PDXDC1: variants seen among roughly 807,000 people sequenced by gnomAD.
PDXDC1 encodes the protein pyridoxal-dependent decarboxylase domain-containing protein 1.
In PDXDC1, 42 loss-of-function variants were observed where a neutral mutation model predicts 100.1. That is an observed-to-expected ratio of 0.42 (90% CI 0.33 to 0.54). PDXDC1 has a LOEUF of 0.54. Among genes scored for constraint, PDXDC1 ranks in the 20% least tolerant of loss-of-function variants. The pLI, the probability that PDXDC1 is intolerant of heterozygous loss-of-function variation, is 0.10. For missense variants in PDXDC1, 636 were observed against 979.2 expected, an observed-to-expected ratio of 0.65 and a Z score of 4.68; for synonymous variants, 260 against 371.7, an observed-to-expected ratio of 0.70 and a Z score of 3.46.
Position 15,093,204 on chromosome 16 carries a change from A to T in PDXDC1, c.1400-45675A>T, listed in dbSNP as rs138342560. Reference sequence around the variant, plus strand: ...ATTTTCAGTAGAGACGAGGTTTCGCACGTTGGCCAGGCTGGTCTCCAACTC... The same window carrying T: ...ATTTTCAGTAGAGACGAGGTTTCGCTCGTTGGCCAGGCTGGTCTCCAACTC... On this transcript the variant is annotated intron_variant, in intron 16 of 16. Coordinates refer to the PDXDC1 transcript ENST00000535621. Among the ~76,000 whole-genome samples, 69 of 152,228 alleles carry T rather than the reference A, an allele frequency of 4.5e-4. No homozygotes were observed. In the East Asian group the frequency reaches 0.013, roughly 29 times the overall value.
At chr16:15,075,007 T>C (rs1011072376) in intron 16 of PDXDC1, 1 of 794,888 alleles carries the variant, frequency 1.3e-6, no homozygotes, top group East Asian at 2.8e-5. Flanking sequence ...CCCAGCACTT[T>C]GGGAAGCAGA....
At chr16:15,067,761 T>A (rs533158494) in intron 16 of PDXDC1, among the ~76,000 whole-genome samples, 88 of 152,128 alleles carry the variant, frequency 5.8e-4, no homozygotes, top group African/African-American at 2.1e-3. Context: ...GACTGGGTTG[T>A]TTTTGTTTGT....
At chr16:15,018,589 T>C (rs961989172) in intron 11 of PDXDC1, among the ~76,000 whole-genome samples, 1 of 152,254 alleles carries the variant, frequency 6.6e-6, no homozygotes, top group Non-Finnish European at 1.5e-5. Flanking sequence ...ATGTGACCCA[T>C]CTGGGTTTTC....
chr16:15,017,918 C>T (rs1320117017), intron 11 of PDXDC1, among the ~76,000 whole-genome samples: 1 of 152,192 alleles, frequency 6.6e-6, no homozygotes, highest in African/African-American at 2.4e-5. Context: ...CCTCAGCCTC[C>T]CAAGTAGCTG....
At chr16:15,104,443 T>C in intron 16 of PDXDC1, 4 of 1,306,324 alleles carry the variant, frequency 3.1e-6, no homozygotes, top group Non-Finnish European at 4.0e-6. Flanking sequence ...AGGGTGGAGC[T>C]GAGGGTGGAA....
chr16:15,027,322 G>A (rs575334251), intron 14 of PDXDC1, among the ~76,000 whole-genome samples: 1 of 152,408 alleles, frequency 6.6e-6, no homozygotes, highest in East Asian at 1.9e-4. Flanking sequence ...CGGGCAGGCT[G>A]TGGGGCTCCG....
chr16:15,037,876 A>G lies in PDXDC1; in HGVS notation c.*1601A>G, dbSNP rs2043584498. On this transcript the variant is annotated 3_prime_UTR_variant, in exon 23 of 23. Transcript: ENST00000396410. Reference sequence around the variant, plus strand: ...AATGCCTTTGCCAAAATAAGGTTTTATTTTGAAAGTCATTTGATGAAAGTC... The same window carrying G: ...AATGCCTTTGCCAAAATAAGGTTTTGTTTTGAAAGTCATTTGATGAAAGTC... 1.8e-6 allele frequency: 1 copy of G among 549,680 alleles called. No individual in the cohort carries two copies. The highest frequency in any genetic ancestry group is 2.9e-5 in the East Asian group (1 of 34,124). The allele number at this position is 549,680 out of a possible 1,614,324, so 34.1% of individuals were successfully genotyped here.
In PDXDC1 at chr16:15,016,217, A is replaced by G. The variant is rs534700851; in HGVS notation, c.812+4A>G. The G allele has an allele frequency of 3.7e-6, 6 of 1,612,278 alleles. No individual in the cohort carries two copies. The South Asian group carries it at 6.6e-5, about 18-fold the overall frequency. ...GCATATGGCTTCATGTGGAGGGGTAAGCCGGCGGTGAGGCTGGTGGCTCCA... is the reference window on the plus strand; with the variant it reads ...GCATATGGCTTCATGTGGAGGGGTAGGCCGGCGGTGAGGCTGGTGGCTCCA... On this transcript the variant is annotated splice_donor_region_variant and intron_variant, in intron 9 of 22. Coordinates refer to ENST00000396410, the MANE Select transcript of PDXDC1 (RefSeq NM_015027.4).
At chr16:15,088,380 T>C (rs1371731780) in intron 16 of PDXDC1, among the ~76,000 whole-genome samples, 1 of 151,780 alleles carries the variant, frequency 6.6e-6, no homozygotes, top group African/African-American at 2.4e-5. Context: ...GGTGGGAAGA[T>C]TGCTTGAGCC....
Position 15,018,089 on chromosome 16 carries a change from C to CG in PDXDC1, c.963+667_963+668insG, listed in dbSNP as rs1336338319. Among the ~76,000 whole-genome samples the CG allele has an allele frequency of 9.8e-5, 14 of 142,688 alleles. No individual in the cohort carries two copies. The East Asian group carries it at 2.8e-3, about 28-fold the overall frequency. 93.6% of individuals were successfully genotyped at this position (142,688 alleles called of 152,430 possible). A position where few individuals can be genotyped will look rare whatever the true frequency, so the allele number is the denominator to read the frequency against. On this transcript the variant is annotated intron_variant, in intron 11 of 22. Transcript: ENST00000396410. ...AGGCATGAGCCATCACACCTGGCCA[C>CG]ATTTTTTTTTTTTTTTAATCGTAGT...
At chr16:15,047,641 A>G in intron 16 of PDXDC1, 1 of 1,010,966 alleles carries the variant, frequency 9.9e-7, no homozygotes, top group Non-Finnish European at 1.6e-6. Flanking sequence ...GGACCGCCTC[A>G]TCTTTGAATA....
At chr16:15,098,527 G>A (rs182415067) in intron 16 of PDXDC1, among the ~76,000 whole-genome samples, 1 of 151,686 alleles carries the variant, frequency 6.6e-6, no homozygotes, top group Non-Finnish European at 1.5e-5. Flanking sequence ...TTTAGAAATT[G>A]TTCATCTGGA....
downstream of PDXDC1, chr16:15,038,668 G>A (rs767822510): frequency 8.4e-5 from 133 of 1,585,218 alleles, no homozygotes; most frequent in Non-Finnish European, 1.1e-4. Context: ...TTCTGTCTCT[G>A]CATCATAAAT....
At chr16:15,128,870 A>G (rs945852636) in intron 16 of PDXDC1, among the ~76,000 whole-genome samples, 70 of 149,312 alleles carry the variant, frequency 4.7e-4, no homozygotes, top group Admixed American at 8.7e-4. Flanking sequence ...CAGTGGCGCA[A>G]TCTCAGCTCA....
chr16:15,008,567 C>T (rs570389566), intron 6 of PDXDC1, among the ~76,000 whole-genome samples: 1 of 151,874 alleles, frequency 6.6e-6, no homozygotes, highest in South Asian at 2.1e-4. Context: ...TACATTATAT[C>T]CTCTTATAAG....
At chr16:14,982,926 G>A (rs1254018324) in intron 1 of PDXDC1, among the ~76,000 whole-genome samples, 14 of 152,276 alleles carry the variant, frequency 9.2e-5, no homozygotes, top group Admixed American at 5.2e-4. Flanking sequence ...TCAGAAAGCT[G>A]TGGGAGGCAA....
At position 15,034,271 on chromosome 16, in the gene PDXDC1, T is replaced by C; in HGVS notation, c.1813-15T>C. 1 of 1,611,966 alleles carries C rather than the reference T, an allele frequency of 6.2e-7. No homozygotes were observed. Among genetic ancestry groups the C allele is most frequent in the Non-Finnish European group, 8.5e-7 (1 of 1,179,018 alleles). ...GAACCTTAAACAAGTAATGTCTTTCTTGGTCTTGCCACAGCTTCTGGAAAA... is the reference window on the plus strand; with the variant it reads ...GAACCTTAAACAAGTAATGTCTTTCCTGGTCTTGCCACAGCTTCTGGAAAA... On this transcript the variant is annotated splice_polypyrimidine_tract_variant and intron_variant, in intron 19 of 22. Transcript: ENST00000396410.
At chr16:15,124,907 G>A (rs1187441122) in intron 16 of PDXDC1, among the ~76,000 whole-genome samples, 1 of 151,762 alleles carries the variant, frequency 6.6e-6, no homozygotes, top group South Asian at 2.1e-4. Flanking sequence ...CCAGCACTTT[G>A]GGAGGCTGAG....
intron 1 of PDXDC1, among the ~76,000 whole-genome samples, chr16:14,980,856 T>C (rs1967806946): frequency 6.6e-6 from 1 of 152,276 alleles, no homozygotes; most frequent in African/African-American, 2.4e-5. Context: ...CACCTTGGCC[T>C]CCCAAAGTGC....
Sources: gnomAD v4.1 joint callset for allele counts (sites outside exome capture counted in the v4.1 genomes callset) on GRCh38, gnomAD v4.1.1 for gene constraint, MANE v1.5 for transcripts, NCBI Gene and HGNC (gene_info 2026-07-23, HGNC 2026-07-21) for gene names.